The following MEGF6 variants were observed in gnomAD, a reference collection of about 807,000 sequenced individuals.
MEGF6 encodes the protein multiple EGF like domains 6.
In MEGF6, 184 loss-of-function variants were observed where a neutral mutation model predicts 207.1. The observed-to-expected ratio is 0.89, with a 90% CI of 0.79 to 1.00. The LOEUF (loss-of-function observed/expected upper bound fraction) is 1.00. Ranked by LOEUF, MEGF6 falls within the 50% of genes least tolerant of loss-of-function variation. The pLI is 0.00. For synonymous variants in MEGF6, 1,038 were observed against 910.0 expected, an observed-to-expected ratio of 1.14 and a Z score of -2.53; for missense variants, 2,282 against 2,202.9, an observed-to-expected ratio of 1.04 and a Z score of -0.72.
intron 2 of MEGF6, among the ~76,000 whole-genome samples, chr1:3,599,832 C>T (rs1644130789): frequency 2.0e-5 from 3 of 152,248 alleles, no homozygotes; most frequent in Admixed American, 1.3e-4. Context: ...CTGTTCTGCG[C>T]GTGGGCACCC....
At chr1:3,539,934 G>C (rs1642459683) in intron 4 of MEGF6, among the ~76,000 whole-genome samples, 2 of 152,158 alleles carry the variant, frequency 1.3e-5, no homozygotes, top group African/African-American at 4.8e-5. Flanking sequence ...AGTTACGCAG[G>C]CCCCCGGGGT....
At chr1:3,616,349 T>C (rs1191668952), upstream of MEGF6, among the ~76,000 whole-genome samples, 2 of 152,204 alleles carry the variant, frequency 1.3e-5, no homozygotes, top group Non-Finnish European at 2.9e-5. Flanking sequence ...TCATTGATGC[T>C]AAAGGTGTTT....
chr1:3,495,810 C>A, intron 30 of MEGF6, 80 bp downstream of exon 30: 1 of 1,520,968 alleles, frequency 6.6e-7, no homozygotes, highest in South Asian at 1.2e-5. Context: ...GCTGGGCCCA[C>A]CCCTCCAGTG....
rs772841472 is a variant in MEGF6, at chr1:3,611,171, G to A, written c.98C>T (p.Pro33Leu). ...CTGCAGCGGGAGCAGGGGCCGCGGC[G>A]GAACGCTGGCGCCCACGGGCACGGC... The part of the protein sequence containing the change: ...LPAVPVGASV[P>L]PRPLLPLQPG... Residue 33 changes from proline (P) to leucine (L), a missense_variant, in exon 1 of 37, where the codon CCG becomes CTG. By Grantham distance (98) the Pro-to-Leu change is moderately conservative. Transcript: ENST00000356575. The A allele has an allele frequency of 1.9e-6, 3 of 1,543,210 alleles. No homozygotes were observed. Among genetic ancestry groups the A allele is most frequent in the Admixed American group, 1.9e-5 (1 of 53,286 alleles).
chr1:3,607,956 G>T (rs2101904126), intron 1 of MEGF6, among the ~76,000 whole-genome samples: 1 of 152,230 alleles, frequency 6.6e-6, no homozygotes, highest in East Asian at 1.9e-4. Flanking sequence ...CAGAAAGCAG[G>T]CAGCCAGCCT....
intron 3 of MEGF6, among the ~76,000 whole-genome samples, chr1:3,590,505 C>T (rs561636059): frequency 2.0e-5 from 3 of 152,342 alleles, no homozygotes; most frequent in Admixed American, 6.5e-5. Context: ...CCGCCCCGCC[C>T]GGCACTAAGT....
rs576266206 is a variant in MEGF6, at chr1:3,564,505, G to A, written c.481+15320C>T. Reference sequence around the variant, plus strand: ...TGTTCCTTCCCTCACATCTACTGGAGCCCAAGCTTCCCCTCCCTCTCCTGT... The same window carrying A: ...TGTTCCTTCCCTCACATCTACTGGAACCCAAGCTTCCCCTCCCTCTCCTGT... On this transcript the variant is annotated intron_variant, in intron 4 of 36. Coordinates refer to ENST00000356575, the MANE Select transcript of MEGF6 (RefSeq NM_001409.4). Among the ~76,000 whole-genome samples the A allele has an allele frequency of 5.9e-5, 9 of 152,164 alleles. No homozygotes were observed. The East Asian group carries it at 1.7e-3, about 29-fold the overall frequency.
intron 18 of MEGF6, 145 bp downstream of exon 18, chr1:3,501,651 C>T: frequency 8.1e-7 from 1 of 1,232,406 alleles, no homozygotes; most frequent in East Asian, 2.6e-5. Context: ...CCCCTCCCTA[C>T]CCCAGGGGAG....
intron 3 of MEGF6, among the ~76,000 whole-genome samples, chr1:3,587,921 A>AG (rs1557799201): frequency 1.6e-5 from 1 of 63,034 alleles, no homozygotes; most frequent in Non-Finnish European, 3.0e-5. Context: ...AGGGGGCAGG[A>AG]GAGGCCAGGA....
Position 3,498,458 on chromosome 1 carries a change from C to T in MEGF6, c.3265G>A (p.Gly1089Ser), listed in dbSNP as rs774937881. Residue 1089 changes from glycine to serine, a missense_variant, in exon 26 of 37, where the codon GGC (glycine) becomes AGC (serine). Transcript: ENST00000356575. ...RDVRAGCRHS[G>S]GCLNGGLCDP... ...CACAGGCCCCCGTTGAGGCAACCGC[C>T]GCTGTGCCGGCAGCCAGCTCTGACG... The T allele has an allele frequency of 1.0e-5, 16 of 1,583,364 alleles. No individual in the cohort carries two copies. Among genetic ancestry groups the T allele is most frequent in the African/African-American group, 2.7e-5 (2 of 74,370 alleles).
intron 3 of MEGF6, 86 bp downstream of exon 3, chr1:3,595,252 C>T (rs1162805653): frequency 3.2e-6 from 3 of 925,184 alleles, no homozygotes; most frequent in Admixed American, 2.0e-5. Flanking sequence ...GGGCGATCCC[C>T]ACCAGGCCCG....
At chr1:3,574,552 G>A (rs1001522098) in intron 4 of MEGF6, among the ~76,000 whole-genome samples, 9 of 112,480 alleles carry the variant, frequency 8.0e-5, no homozygotes, top group South Asian at 3.1e-4. Context: ...CTGGAGACCC[G>A]TCTGATCTGC....
chr1:3,550,799 C>T lies in MEGF6; in HGVS notation c.482-26553G>A, dbSNP rs115664514. Among the ~76,000 whole-genome samples the T allele has an allele frequency of 4.6e-3, 698 of 152,352 alleles. 5 individuals are homozygous for T. The highest frequency in any genetic ancestry group is 0.016 in the African/African-American group (663 of 41,584). ...AAGCACAGGCTGCAGAGTGAGAACC[C>T]GAGGGGAGCAAGAGGGGGCCCACAC... On this transcript the variant is annotated intron_variant, in intron 4 of 36. Coordinates refer to ENST00000356575, the MANE Select transcript of MEGF6 (RefSeq NM_001409.4).
In MEGF6 at chr1:3,542,892, G is replaced by A. The variant is rs542732934; in HGVS notation, c.482-18646C>T. 9.2e-5 allele frequency among the ~76,000 whole-genome samples: 14 copies of A among 152,336 alleles called. No individual in the cohort carries two copies. The East Asian group carries it at 1.2e-3, about 13-fold the overall frequency. On this transcript the variant is annotated intron_variant, in intron 4 of 36. Transcript: ENST00000356575. The stretch of plus-strand genomic sequence containing the variant: ...AGGTGAGCTCGGGGCCAGGCAGCCC[G>A]GGCAGGAGCTCTACAGAGGAGCCTG...
chr1:3,600,435 G>A (rs1557809794), intron 2 of MEGF6, among the ~76,000 whole-genome samples: 1 of 152,204 alleles, frequency 6.6e-6, no homozygotes, highest in African/African-American at 2.4e-5. Flanking sequence ...AAGGGCTCAG[G>A]GTTAGGGACG....
At chr1:3,575,776 T>C (rs1557788214) in intron 4 of MEGF6, among the ~76,000 whole-genome samples, 1 of 152,172 alleles carries the variant, frequency 6.6e-6, no homozygotes, top group Non-Finnish European at 1.5e-5. Context: ...CACCTTCCAC[T>C]GGGTCCCTCC....
At chr1:3,543,887 A>G (rs965315187) in intron 4 of MEGF6, among the ~76,000 whole-genome samples, 2 of 152,096 alleles carry the variant, frequency 1.3e-5, no homozygotes, top group African/African-American at 2.4e-5. Context: ...GAGGCACACC[A>G]CCTGCCGTGC....
intron 30 of MEGF6, among the ~76,000 whole-genome samples, chr1:3,495,505 C>T (rs1385470085): frequency 6.6e-6 from 1 of 152,198 alleles, no homozygotes; most frequent in African/African-American, 2.4e-5. Context: ...CTGGGCCTGG[C>T]AGAAAGGGCC....
chr1:3,563,791 C>T (rs955978735), intron 4 of MEGF6, among the ~76,000 whole-genome samples: 5 of 152,172 alleles, frequency 3.3e-5, no homozygotes, highest in South Asian at 2.1e-4. Context: ...AACACTGAGA[C>T]GGAGAGGCTG....
Sources: gnomAD v4.1 joint callset for allele counts (sites outside exome capture counted in the v4.1 genomes callset) on GRCh38, gnomAD v4.1.1 for gene constraint, MANE v1.5 for transcripts, NCBI Gene and HGNC (gene_info 2026-07-23, HGNC 2026-07-21) for gene names.